The following TAFA4 variants were observed in gnomAD, a reference collection of about 807,000 sequenced individuals.
TAFA4 encodes the protein TAFA chemokine like family member 4.
Under a neutral mutation model 21.1 loss-of-function variants are expected in TAFA4, and 20 were observed. That is an observed-to-expected ratio of 0.95 (90% CI 0.67 to 1.38). TAFA4 has a LOEUF of 1.38. Ranked by LOEUF, TAFA4 falls within the 40% of genes most tolerant of loss-of-function variation. The probability of loss-of-function intolerance (pLI) is 0.00; values close to 1 mark genes in which losing one functional copy is unlikely to be tolerated. For synonymous variants in TAFA4, 71 were observed against 67.4 expected (o/e 1.05, Z -0.26); for missense variants, 211 against 180.9 (o/e 1.17, Z -0.95).
At chr3:68,847,192 C>T (rs1336800814) in intron 3 of TAFA4, among the ~76,000 whole-genome samples, 1 of 152,226 alleles carries the variant, frequency 6.6e-6, no homozygotes, top group Non-Finnish European at 1.5e-5. Context: ...TGGTCTGCTG[C>T]CTTTCTTTCA....
intron 1 of TAFA4, chr3:68,916,024 C>T (rs1003222741): frequency 6.6e-6 from 1 of 152,188 alleles, no homozygotes; most frequent in Non-Finnish European, 1.5e-5. Flanking sequence ...AGTTCAAAAC[C>T]TACCAGTGTG....
At chr3:68,782,353 G>T (rs1450413930) in intron 3 of TAFA4, among the ~76,000 whole-genome samples, 1 of 152,200 alleles carries the variant, frequency 6.6e-6, no homozygotes, top group African/African-American at 2.4e-5. Context: ...TGTTGGCAAA[G>T]ATATGGAGAA....
intron 3 of TAFA4, among the ~76,000 whole-genome samples, chr3:68,844,814 G>T (rs976914627): frequency 3.3e-5 from 5 of 152,278 alleles, no homozygotes; most frequent in Non-Finnish European, 7.4e-5. Context: ...CAGTTTCCAT[G>T]CATTTGCGTG....
At chr3:68,929,587 T>A (rs2090141179) in intron 1 of TAFA4, among the ~76,000 whole-genome samples, 1 of 152,114 alleles carries the variant, frequency 6.6e-6, no homozygotes, top group Admixed American at 6.5e-5. Flanking sequence ...GGACAAAAAA[T>A]AAAAGCAAAA....
intron 3 of TAFA4, among the ~76,000 whole-genome samples, chr3:68,849,818 C>A (rs189252049): frequency 6.6e-6 from 1 of 152,196 alleles, no homozygotes; most frequent in Non-Finnish European, 1.5e-5. Flanking sequence ...CACAAAGGAT[C>A]CATTACTGAA....
intron 3 of TAFA4, among the ~76,000 whole-genome samples, chr3:68,815,523 C>T (rs968783885): frequency 3.9e-5 from 6 of 152,164 alleles, no homozygotes; most frequent in African/African-American, 1.4e-4. Flanking sequence ...AGACACTTCT[C>T]AAAAGAAGAC....
chr3:68,737,630 T>G (rs1702268782), intron 5 of TAFA4, among the ~76,000 whole-genome samples: 1 of 152,208 alleles, frequency 6.6e-6, no homozygotes, highest in South Asian at 2.1e-4. Flanking sequence ...ATTTTCTATT[T>G]TGTTTTAGAC....
At chr3:68,892,351 T>G (rs1054565687) in intron 1 of TAFA4, among the ~76,000 whole-genome samples, 4 of 152,186 alleles carry the variant, frequency 2.6e-5, no homozygotes, top group African/African-American at 4.8e-5. Flanking sequence ...TTAAAGAATT[T>G]TATAAATGGC....
intron 3 of TAFA4, among the ~76,000 whole-genome samples, chr3:68,793,537 C>T (rs756137018): frequency 2.0e-5 from 3 of 152,166 alleles, no homozygotes; most frequent in Non-Finnish European, 4.4e-5. Context: ...GGCATTTTAA[C>T]TTTGAGCTTA....
At chr3:68,918,901 G>A (rs2090030807) in intron 1 of TAFA4, among the ~76,000 whole-genome samples, 1 of 141,188 alleles carries the variant, frequency 7.1e-6, no homozygotes, top group Non-Finnish European at 1.5e-5. Context: ...CTTTCAAATT[G>A]CAATTCACTT....
chr3:68,914,978 T>C (rs1180723462), intron 1 of TAFA4, among the ~76,000 whole-genome samples: 1 of 152,212 alleles, frequency 6.6e-6, no homozygotes, highest in Non-Finnish European at 1.5e-5. Context: ...CATCGCAGGC[T>C]TTTTCCCACT....
intron 3 of TAFA4, among the ~76,000 whole-genome samples, chr3:68,844,943 T>C (rs563198587): frequency 1.4e-3 from 207 of 152,344 alleles, no homozygotes; most frequent in African/African-American, 4.5e-3. Flanking sequence ...TCCAATTGTG[T>C]GATCAATTTT....
intron 3 of TAFA4, among the ~76,000 whole-genome samples, chr3:68,818,224 C>T (rs1190452058): frequency 6.6e-6 from 1 of 152,138 alleles, no homozygotes; most frequent in Non-Finnish European, 1.5e-5. Context: ...TGCTACCTTC[C>T]AACTTCTCTT....
At chr3:68,797,199 C>A (rs560338175) in intron 3 of TAFA4, among the ~76,000 whole-genome samples, 1 of 152,012 alleles carries the variant, frequency 6.6e-6, no homozygotes. Flanking sequence ...TTTGTACAGC[C>A]GTATTCATAG....
At chr3:68,770,536 C>G (rs753337637) in intron 3 of TAFA4, among the ~76,000 whole-genome samples, 2 of 152,136 alleles carry the variant, frequency 1.3e-5, no homozygotes, top group Admixed American at 6.5e-5. Flanking sequence ...CTCTAAAACA[C>G]CAGTTTTCAA....
At chr3:68,917,997 A>T (rs2090021539) in intron 1 of TAFA4, among the ~76,000 whole-genome samples, 1 of 152,184 alleles carries the variant, frequency 6.6e-6, no homozygotes, top group East Asian at 1.9e-4. Context: ...ATAGTCATCA[A>T]TTGGAAACTC....
intron 3 of TAFA4, among the ~76,000 whole-genome samples, chr3:68,807,822 T>G (rs1355240199): frequency 2.0e-5 from 3 of 151,700 alleles, no homozygotes; most frequent in Admixed American, 6.6e-5. Context: ...AACACACCTT[T>G]GCTGAGCTGC....
Position 68,733,142 on chromosome 3 carries a change from C to T in TAFA4, c.423G>A (p.Ter141=). 2 of 1,613,240 alleles carry T rather than the reference C, an allele frequency of 1.2e-6. No homozygotes were observed. The highest frequency in any genetic ancestry group is 1.7e-6 in the Non-Finnish European group (2 of 1,179,432). The change falls in exon 6 of 6, where the codon TAG becomes TAA. Residue 141 remains the stop codon, a stop_retained_variant. Transcript: ENST00000295569. The part of the protein sequence containing the change: ...NKVKTTKVTR[*] ...GGATTGAAGCACACCTCTCTCTTCG[C>T]TACCGCGTTACCTAAAACAAATCAA...
chr3:68,780,011 G>A (rs1304138128), intron 3 of TAFA4, among the ~76,000 whole-genome samples: 1 of 152,208 alleles, frequency 6.6e-6, no homozygotes, highest in Non-Finnish European at 1.5e-5. Flanking sequence ...CCCACCTCTT[G>A]CATCAGCATG....
Sources: allele counts gnomAD v4.1 joint callset (sites outside exome capture counted in the v4.1 genomes callset), GRCh38; gene constraint gnomAD v4.1.1; transcripts MANE v1.5; gene names NCBI Gene and HGNC (gene_info 2026-07-23, HGNC 2026-07-21).